P2RY12: variants seen among roughly 807,000 people sequenced by gnomAD.
P2RY12 encodes the protein P2Y purinoceptor 12.
In P2RY12, 3 loss-of-function variants were observed where a neutral mutation model predicts 4.5. The observed-to-expected ratio is 0.67, with a 90% CI of 0.31 to 1.74. P2RY12 has a LOEUF of 1.74. Ranked by LOEUF, P2RY12 falls within the 40% of genes most tolerant of loss-of-function variation. P2RY12 has a pLI of 0.09. For synonymous variants in P2RY12, 148 were observed against 154.1 expected (o/e 0.96, Z 0.29); for missense variants, 356 against 407.8 (o/e 0.87, Z 1.09).
In P2RY12 at chr3:151,357,400, T is replaced by C. The variant is rs1434030664; in HGVS notation, c.-179-16640A>G. The C allele has an allele frequency of 5.8e-6, 9 of 1,541,192 alleles. No homozygotes were observed. The African/African-American group carries it at 1.2e-4, about 21-fold the overall frequency. ...GGGTTGGTATATAGCATGTCATTGTTGTTTTTCCAATCTCAGAATGTATAA... is the reference window on the plus strand; with the variant it reads ...GGGTTGGTATATAGCATGTCATTGTCGTTTTTCCAATCTCAGAATGTATAA... On this transcript the variant is annotated intron_variant, in intron 1 of 2. Coordinates refer to ENST00000302632, the MANE Select transcript of P2RY12 (RefSeq NM_022788.5).
intron 1 of P2RY12, chr3:151,380,319 A>G (rs990810108): frequency 2.1e-5 from 17 of 823,252 alleles, no homozygotes; most frequent in Non-Finnish European, 3.0e-5. Flanking sequence ...AATAAGGGCC[A>G]GGTGTGGTGG....
At chr3:151,369,980 C>T (rs1185903478) in intron 1 of P2RY12, among the ~76,000 whole-genome samples, 1 of 152,102 alleles carries the variant, frequency 6.6e-6, no homozygotes, top group East Asian at 1.9e-4. Context: ...AGTATTTTTG[C>T]TCCTATCATG....
chr3:151,355,020 C>G, intron 1 of P2RY12: 1 of 807,472 alleles, frequency 1.2e-6, no homozygotes, highest in South Asian at 1.5e-5. Flanking sequence ...AATTTGTGCA[C>G]TTTTCTGTAT....
rs930859803 is a variant in P2RY12 at position 151,374,385 on chromosome 3, T to TA, written c.-180+10306dup. On this transcript the variant is annotated intron_variant, in intron 1 of 2. Coordinates refer to ENST00000302632, the MANE Select transcript of P2RY12 (RefSeq NM_022788.5). Reference sequence around the variant, plus strand: ...CAACATGGTGAAACCCCATCTCTACTAAAAATACAAAAATTAGCCAGGTGT... The same window carrying TA: ...CAACATGGTGAAACCCCATCTCTACTAAAAAATACAAAAATTAGCCAGGTGT... Among the ~76,000 whole-genome samples, 132 of 152,094 alleles carry TA rather than the reference T, an allele frequency of 8.7e-4. 1 individual carries two copies. Among genetic ancestry groups the TA allele is most frequent in the African/African-American group, 3.1e-3 (128 of 41,520 alleles).
chr3:151,348,086 A>C (rs771413549), intron 1 of P2RY12, among the ~76,000 whole-genome samples: 4 of 152,160 alleles, frequency 2.6e-5, no homozygotes, highest in Non-Finnish European at 5.9e-5. Context: ...TGAAGACAGG[A>C]ATCATTCATC....
chr3:151,370,807 A>G (rs929570903), intron 1 of P2RY12, among the ~76,000 whole-genome samples: 7 of 152,356 alleles, frequency 4.6e-5, no homozygotes, highest in African/African-American at 1.7e-4. Flanking sequence ...GTGTGAATCT[A>G]TAAATGACAA....
At chr3:151,354,140 C>CAA (rs63033360) in intron 1 of P2RY12, among the ~76,000 whole-genome samples, 6,778 of 62,714 alleles carry the variant, frequency 0.11, 998 homozygotes, top group Middle Eastern at 0.18. Context: ...GACTCCGTCT[C>CAA]AAAAAAAAAA....
At chr3:151,368,910 C>T (rs1239294374) in intron 1 of P2RY12, among the ~76,000 whole-genome samples, 1 of 151,538 alleles carries the variant, frequency 6.6e-6, no homozygotes, top group East Asian at 1.9e-4. Flanking sequence ...TATAGGCATG[C>T]ACCACCATGC....
At chr3:151,368,671 T>TG (rs2107966475) in intron 1 of P2RY12, among the ~76,000 whole-genome samples, 2 of 77,624 alleles carry the variant, frequency 2.6e-5, no homozygotes, top group East Asian at 7.0e-4. Context: ...TTTCATTTCA[T>TG]TTCATGTCAT....
intron 1 of P2RY12, among the ~76,000 whole-genome samples, chr3:151,344,870 G>A (rs887619486): frequency 6.6e-6 from 1 of 152,132 alleles, no homozygotes; most frequent in African/African-American, 2.4e-5. Context: ...ATAATACACA[G>A]CTCTGATCAT....
chr3:151,380,611 A>C (rs1048763168), intron 1 of P2RY12, among the ~76,000 whole-genome samples: 7 of 152,040 alleles, frequency 4.6e-5, no homozygotes, highest in African/African-American at 1.4e-4. Flanking sequence ...AAAAAAAAAA[A>C]AAAACAACTA....
intron 1 of P2RY12, among the ~76,000 whole-genome samples, chr3:151,348,569 GCTT>G (rs1217570631): frequency 6.7e-6 from 1 of 149,890 alleles, no homozygotes; most frequent in Non-Finnish European, 1.5e-5. Flanking sequence ...CTCGCTCCTA[GCTT>G]CTTTTTTTTT....
rs575996408 is a variant in P2RY12 at position 151,346,598 on chromosome 3, CTCTT to C, written c.-179-5842_-179-5839del. Among the ~76,000 whole-genome samples the C allele has an allele frequency of 3.5e-4, 54 of 152,312 alleles. No homozygotes were observed. In the Middle Eastern group the frequency reaches 0.01, roughly 29 times the overall value. ...ACCTCACTGGACGTTGTCAGTGACA[CTCTT>C]TCTTATGTATCCCCTCCCCTGACTT... On this transcript the variant is annotated intron_variant, in intron 1 of 2. Coordinates refer to ENST00000302632, the MANE Select transcript of P2RY12 (RefSeq NM_022788.5).
chr3:151,339,928 T>A (rs188544221), intron 2 of P2RY12, among the ~76,000 whole-genome samples: 74 of 152,266 alleles, frequency 4.9e-4, no homozygotes, highest in African/African-American at 1.7e-3. Flanking sequence ...ATCAGAGATA[T>A]ATTGAAAGTA....
chr3:151,341,912 A>C (rs1430054558), intron 1 of P2RY12, among the ~76,000 whole-genome samples: 1 of 152,078 alleles, frequency 6.6e-6, no homozygotes, highest in Non-Finnish European at 1.5e-5. Flanking sequence ...TGAACTCATC[A>C]TTTTTTATGG....
At chr3:151,356,809 A>G (rs1434324979) in intron 1 of P2RY12, among the ~76,000 whole-genome samples, 3 of 152,230 alleles carry the variant, frequency 2.0e-5, no homozygotes, top group Non-Finnish European at 4.4e-5. Flanking sequence ...TCCTTCTGCT[A>G]TTAGCAAACA....
At chr3:151,376,786 T>C (rs751431850) in intron 1 of P2RY12, 6 of 1,609,838 alleles carry the variant, frequency 3.7e-6, no homozygotes, top group African/African-American at 2.7e-5. Flanking sequence ...TTTAATTCTT[T>C]CCATTTTTCC....
chr3:151,347,914 C>G (rs1028767868), intron 1 of P2RY12, among the ~76,000 whole-genome samples: 3 of 152,158 alleles, frequency 2.0e-5, no homozygotes, highest in African/African-American at 7.2e-5. Flanking sequence ...AGTCACAGCT[C>G]TCTTACCCCA....
intron 1 of P2RY12, chr3:151,380,134 A>G (rs1007284137): frequency 8.7e-6 from 14 of 1,601,284 alleles, no homozygotes; most frequent in South Asian, 5.6e-5. Context: ...TGAGTCAACA[A>G]CCCTTCCTCT....
Sources: allele counts gnomAD v4.1 joint callset (sites outside exome capture counted in the v4.1 genomes callset), GRCh38; gene constraint gnomAD v4.1.1; transcripts MANE v1.5; gene names NCBI Gene and HGNC (gene_info 2026-07-23, HGNC 2026-07-21).